Variants in YTHDF3 observed in about 807,000 individuals in gnomAD.
The protein encoded by YTHDF3 is YTH domain-containing family protein 3.
A neutral mutation model predicts 52.5 loss-of-function variants in YTHDF3; 9 were observed. The observed-to-expected ratio is 0.17, with a 90% CI of 0.10 to 0.30. YTHDF3 has a LOEUF of 0.30. Ranked by LOEUF, YTHDF3 falls within the 10% of genes least tolerant of loss-of-function variation. The pLI, the probability that YTHDF3 is intolerant of heterozygous loss-of-function variation, is 1.00. For missense variants in YTHDF3, 534 were observed against 715.0 expected, an observed-to-expected ratio of 0.75 and a Z score of 2.89; for synonymous variants, 274 against 243.3, an observed-to-expected ratio of 1.13 and a Z score of -1.18.
intron 3 of YTHDF3, among the ~76,000 whole-genome samples, chr8:63,177,155 AC>A (rs1397290709): frequency 2.0e-5 from 3 of 152,210 alleles, no homozygotes; most frequent in Non-Finnish European, 2.9e-5. Flanking sequence ...AGAACAAGGA[AC>A]CAAATCTTAC....
At chr8:63,201,683 G>A (rs557857120) in intron 4 of YTHDF3, among the ~76,000 whole-genome samples, 15 of 152,252 alleles carry the variant, frequency 9.9e-5, no homozygotes, top group East Asian at 3.9e-4. Context: ...CATTTGACGC[G>A]CTTGATATAC....
At chr8:63,180,066 G>A (rs1385926993) in intron 3 of YTHDF3, among the ~76,000 whole-genome samples, 3 of 146,816 alleles carry the variant, frequency 2.0e-5, no homozygotes, top group African/African-American at 7.4e-5. Context: ...CTGGCTGGGC[G>A]GGGGGCTGAC....
chr8:63,188,176 T>C (rs970714275), intron 4 of YTHDF3, among the ~76,000 whole-genome samples: 1 of 152,090 alleles, frequency 6.6e-6, no homozygotes, highest in South Asian at 2.1e-4. Context: ...CAGGCTGGAG[T>C]GCAGTGGCTA....
chr8:63,187,156 T>C lies in YTHDF3; in HGVS notation c.1145T>C (p.Val382Ala). The C allele has an allele frequency of 3.7e-6, 6 of 1,613,992 alleles. 1 individual carries two copies. The highest frequency in any genetic ancestry group is 5.1e-6 in the Non-Finnish European group (6 of 1,179,872). Reference protein sequence around the residue: ...SENFGLGVVPVSASPSSVEVH... With the variant: ...SENFGLGVVPASASPSSVEVH... ...AACTTTGGTTTAGGTGTTGTACCTG[T>C]CAGTGCTTCACCTTCTAGTGTAGAA... Residue 382 changes from valine (V) to alanine (A), a missense_variant, in exon 4 of 5, where the codon GTC becomes GCC. Transcript: ENST00000539294.
Position 63,186,875 on chromosome 8 carries a change from T to G in YTHDF3, c.864T>G (p.Ala288=). 1 of 1,613,936 alleles carries G rather than the reference T, an allele frequency of 6.2e-7. No homozygotes were observed. The highest frequency in any genetic ancestry group is 8.5e-7 in the Non-Finnish European group (1 of 1,179,896). Residue 288 remains alanine, a synonymous_variant, in exon 4 of 5, where the codon GCT becomes GCG. Transcript: ENST00000539294. ...TWDEKGSVVK[A]PPTQPVLPPQ... is the part of the protein sequence containing the mutation. ...ATGAAAAAGGGTCAGTGGTAAAGGC[T>G]CCACCAACCCAACCAGTTCTGCCTC...
chr8:63,187,055 G>T lies in YTHDF3; in HGVS notation c.1044G>T (p.Gln348His). 6.2e-7 allele frequency: 1 copy of T among 1,613,666 alleles called. No individual in the cohort carries two copies. The highest frequency in any genetic ancestry group is 8.5e-7 in the Non-Finnish European group (1 of 1,179,698). ...CTCACCAAGTGCAGCCTCAACAGCA[G>T]CAGCTGCAGAATCGCTGGGTAGCTC... is the stretch of plus-strand genomic sequence containing the variant. ...AQPHQVQPQQ[Q>H]QLQNRWVAPR... Residue 348 changes from glutamine (Q) to histidine (H), a missense_variant, in exon 4 of 5, where the codon CAG (glutamine) becomes CAT (histidine). Transcript: ENST00000539294.
Position 63,186,324 on chromosome 8 carries a change from G to A in YTHDF3, c.313G>A (p.Val105Ile). 1.2e-6 allele frequency: 2 copies of A among 1,614,020 alleles called. No individual in the cohort carries two copies. Among genetic ancestry groups the A allele is most frequent in the Non-Finnish European group, 1.7e-6 (2 of 1,179,896 alleles). Residue 105 changes from valine to isoleucine, a missense_variant, in exon 4 of 5, where the codon GTA becomes ATA. By Grantham distance (29) the Val-to-Ile change is conservative. Coordinates refer to ENST00000539294, the MANE Select transcript of YTHDF3 (RefSeq NM_152758.6). The part of the protein sequence containing the change: ...NGEHHYIPDG[V>I]FSQPGALGNT... ...AGAACATCACTATATACCAGATGGT[G>A]TATTTAGTCAACCTGGGGCATTAGG...
intron 3 of YTHDF3, among the ~76,000 whole-genome samples, chr8:63,181,219 T>C (rs1808111954): frequency 6.6e-6 from 1 of 152,214 alleles, no homozygotes; most frequent in Admixed American, 6.5e-5. Flanking sequence ...AATTGTCATT[T>C]TCTGCCCTTG....
At chr8:63,192,330 C>A (rs1010859958) in intron 4 of YTHDF3, among the ~76,000 whole-genome samples, 5 of 152,150 alleles carry the variant, frequency 3.3e-5, no homozygotes, top group Non-Finnish European at 7.3e-5. Context: ...CTCCCCACCC[C>A]GTTTCTTTCA....
intron 4 of YTHDF3, among the ~76,000 whole-genome samples, chr8:63,204,668 T>C (rs538365046): frequency 6.6e-6 from 1 of 152,324 alleles, no homozygotes; most frequent in African/African-American, 2.4e-5. Flanking sequence ...CTGGCTTGTT[T>C]GTTGCATTTC....
chr8:63,168,984 C>A, intron 1 of YTHDF3, 83 bp downstream of exon 1: 1 of 1,513,452 alleles, frequency 6.6e-7, no homozygotes, highest in Middle Eastern at 2.2e-4. Context: ...TCCTCCCCGT[C>A]GCCGCCGCTG....
chr8:63,207,338 T>C (rs922886919), intron 4 of YTHDF3, among the ~76,000 whole-genome samples: 1 of 152,188 alleles, frequency 6.6e-6, no homozygotes, highest in East Asian at 1.9e-4. Context: ...TTATAAATTA[T>C]GTATAATGGG....
chr8:63,170,434 C>G (rs1807248263), intron 2 of YTHDF3, among the ~76,000 whole-genome samples: 1 of 152,096 alleles, frequency 6.6e-6, no homozygotes, highest in African/African-American at 2.4e-5. Context: ...TTTGTACATA[C>G]CAGTTACATG....
At chr8:63,188,375 G>GGA (rs1174709559) in intron 4 of YTHDF3, among the ~76,000 whole-genome samples, 1 of 150,954 alleles carries the variant, frequency 6.6e-6, no homozygotes, top group Non-Finnish European at 1.5e-5. Context: ...TGTCCCGGCA[G>GGA]GAGTGTACTG....
Position 63,173,400 on chromosome 8 carries a change from T to C in YTHDF3, c.50-1931T>C, listed in dbSNP as rs1161405604. On this transcript the variant is annotated intron_variant, in intron 2 of 4. Coordinates refer to ENST00000539294, the MANE Select transcript of YTHDF3 (RefSeq NM_152758.6). ...GACTATAGGCACATGCCACCACTCC[T>C]GGCTAATTTCTAAACATTTTTCGTA... 5.3e-5 allele frequency among the ~76,000 whole-genome samples: 8 copies of C among 152,032 alleles called. No individual in the cohort carries two copies. The South Asian group carries it at 1.2e-3, about 24-fold the overall frequency.
At chr8:63,176,976 G>A (rs868461121) in intron 3 of YTHDF3, among the ~76,000 whole-genome samples, 1 of 152,196 alleles carries the variant, frequency 6.6e-6, no homozygotes, top group Non-Finnish European at 1.5e-5. Context: ...ACCGTGCCCA[G>A]CCTAAAATTC....
At position 63,175,035 on chromosome 8, in the gene YTHDF3, A is replaced by C. The variant is rs191239964; in HGVS notation, c.50-296A>C. 2.3e-4 allele frequency among the ~76,000 whole-genome samples: 35 copies of C among 152,278 alleles called. No individual in the cohort carries two copies. In the East Asian group the frequency reaches 6.2e-3, roughly 27 times the overall value. ...CTCTTTCCAACATTCTTATGTAACA[A>C]TTTACTCACTACAGTGTTGAGATTG... On this transcript the variant is annotated intron_variant, in intron 2 of 4. Coordinates refer to ENST00000539294, the MANE Select transcript of YTHDF3 (RefSeq NM_152758.6).
At chr8:63,189,581 C>T (rs1445514965) in intron 4 of YTHDF3, among the ~76,000 whole-genome samples, 1 of 152,128 alleles carries the variant, frequency 6.6e-6, no homozygotes, top group Non-Finnish European at 1.5e-5. Context: ...AATATCTTGT[C>T]TTTGTGGTTG....
rs1278614523 is a variant in YTHDF3 at position 63,172,691 on chromosome 8, A to G, written c.50-2640A>G. On this transcript the variant is annotated intron_variant, in intron 2 of 4. Transcript: ENST00000539294. ...ATGCACAGATCTGTTGACTTTCCTA[A>G]CTTGATGTAGTCAGGACCAGAGCAA... 6.6e-6 allele frequency: 7 copies of G among 1,062,784 alleles called. No individual in the cohort carries two copies. The East Asian group carries it at 1.9e-4, about 30-fold the overall frequency. 65.8% of individuals were successfully genotyped at this position (1,062,784 alleles called of 1,614,324 possible). A position where few individuals can be genotyped will look rare whatever the true frequency, so the allele number is the denominator to read the frequency against.
Sources: gnomAD v4.1 joint callset for allele counts (sites outside exome capture counted in the v4.1 genomes callset) on GRCh38, gnomAD v4.1.1 for gene constraint, MANE v1.5 for transcripts, NCBI Gene and HGNC (gene_info 2026-07-23, HGNC 2026-07-21) for gene names.